Variants in ZYG11A observed in about 807,000 individuals in gnomAD.
The protein encoded by ZYG11A is protein zyg-11 homolog A.
In ZYG11A, 62 loss-of-function variants were observed where a neutral mutation model predicts 77.2. The ratio of observed to expected loss-of-function variants is 0.80; its 90% CI spans 0.65 to 0.99. The LOEUF (loss-of-function observed/expected upper bound fraction) is 0.99. Among genes scored for constraint, ZYG11A ranks in the 50% least tolerant of loss-of-function variants. ZYG11A has a pLI of 0.00. For synonymous variants in ZYG11A, 315 were observed against 324.6 expected, an observed-to-expected ratio of 0.97 and a Z score of 0.32; for missense variants, 828 against 896.8, an observed-to-expected ratio of 0.92 and a Z score of 0.98.
chr1:52,845,794 C>G (rs1436697971), intron 1 of ZYG11A, among the ~76,000 whole-genome samples: 1 of 151,968 alleles, frequency 6.6e-6, no homozygotes, highest in Non-Finnish European at 1.5e-5. Flanking sequence ...CCTCCCTCCT[C>G]AGCCTCCCTA....
At chr1:52,884,050 A>G (rs1441703366) in intron 11 of ZYG11A, among the ~76,000 whole-genome samples, 1 of 150,630 alleles carries the variant, frequency 6.6e-6, no homozygotes, top group Non-Finnish European at 1.5e-5. Context: ...ATTTTTGTAT[A>G]TATTTTTTTA....
intron 1 of ZYG11A, among the ~76,000 whole-genome samples, chr1:52,847,924 C>T (rs945154038): frequency 3.3e-5 from 5 of 151,762 alleles, no homozygotes; most frequent in South Asian, 2.1e-4. Flanking sequence ...GGCTGGAGTG[C>T]AGTGGCGCGA....
rs1646573943 is a variant in ZYG11A at position 52,893,148 on chromosome 1, C to T, written c.*191C>T. The T allele has an allele frequency of 1.8e-6, 1 of 565,550 alleles. No individual in the cohort carries two copies. The highest frequency in any genetic ancestry group is 3.0e-6 in the Non-Finnish European group (1 of 328,076). The allele number at this position is 565,550 out of a possible 1,614,324, so 35.0% of individuals were successfully genotyped here. ...AATCCCAAGTCAAGTTGGACTCATT[C>T]TGCAGCCTTTCAGCAGCAATTTTGA... On this transcript the variant is annotated 3_prime_UTR_variant, in exon 14 of 14. Transcript: ENST00000371528.
chr1:52,842,789 G>C lies in ZYG11A; in HGVS notation c.-95G>C. ...GCTCCGTGTGCCTCGCAGGCGTGGT[G>C]GGCGCGTCCTGGCAGCCGCCCGCTT... is the stretch of plus-strand genomic sequence containing the variant. On this transcript the variant is annotated 5_prime_UTR_variant, in exon 1 of 14. Coordinates refer to ENST00000371528, the MANE Select transcript of ZYG11A (RefSeq NM_001004339.3). 1 of 1,211,772 alleles carries C rather than the reference G, an allele frequency of 8.3e-7. No homozygotes were observed. The highest frequency in any genetic ancestry group is 1.4e-5 in the South Asian group (1 of 72,804). The allele number at this position is 1,211,772 out of a possible 1,614,324, so 75.1% of individuals were successfully genotyped here. A position where few individuals can be genotyped will look rare whatever the true frequency, so the allele number is the denominator to read the frequency against.
intron 8 of ZYG11A, among the ~76,000 whole-genome samples, chr1:52,869,503 T>C (rs2150007515): frequency 6.6e-6 from 1 of 151,880 alleles, no homozygotes; most frequent in South Asian, 2.1e-4. Context: ...TGCACCGCCC[T>C]TAATCCATTT....
chr1:52,889,852 C>T (rs1442564096), intron 13 of ZYG11A, among the ~76,000 whole-genome samples: 1 of 151,782 alleles, frequency 6.6e-6, no homozygotes, highest in African/African-American at 2.4e-5. Context: ...GCTGGGACTA[C>T]AGGCGCCCGC....
rs1646126295 is a variant in ZYG11A, at chr1:52,870,124, C to A, written c.1542+2347C>A. On this transcript the variant is annotated intron_variant, in intron 8 of 13. Coordinates refer to ENST00000371528, the MANE Select transcript of ZYG11A (RefSeq NM_001004339.3). ...CCCAGACGGGGCGGCGGGGCAGAGG[C>A]TCTCCCCACATCTCAGACGATGGGC... Among the ~76,000 whole-genome samples, 3 of 142,106 alleles carry A rather than the reference C, an allele frequency of 2.1e-5. No homozygotes were observed. In the South Asian group the frequency reaches 7.0e-4, roughly 33 times the overall value. 93.2% of individuals were successfully genotyped at this position (142,106 alleles called of 152,430 possible). A position where few individuals can be genotyped will look rare whatever the true frequency, so the allele number is the denominator to read the frequency against.
chr1:52,842,906 G>C lies in ZYG11A; in HGVS notation c.23G>C (p.Gly8Ala). 6.5e-7 allele frequency: 1 copy of C among 1,531,056 alleles called. No homozygotes were observed. The highest frequency in any genetic ancestry group is 8.8e-7 in the Non-Finnish European group (1 of 1,138,430). 94.8% of individuals were successfully genotyped at this position (1,531,056 alleles called of 1,614,324 possible). A position where few individuals can be genotyped will look rare whatever the true frequency, so the allele number is the denominator to read the frequency against. The stretch of plus-strand genomic sequence containing the variant: ...GCCATGGTTCATTTCTTGCACCCGG[G>C]CCACACGCCCCGGAACATCGTCCCT... MVHFLHP[G>A]HTPRNIVPPD... The change falls in exon 1 of 14, where the codon GGC (glycine) becomes GCC (alanine). Residue 8 changes from glycine to alanine, a missense_variant. Coordinates refer to ENST00000371528, the MANE Select transcript of ZYG11A (RefSeq NM_001004339.3).
chr1:52,870,484 C>T (rs368414408), intron 8 of ZYG11A, among the ~76,000 whole-genome samples: 2 of 152,214 alleles, frequency 1.3e-5, no homozygotes, highest in East Asian at 1.9e-4. Flanking sequence ...GCTGCAATCT[C>T]GGCACTTTGG....
At chr1:52,887,637 C>G (rs1318035951) in intron 13 of ZYG11A, among the ~76,000 whole-genome samples, 1 of 151,784 alleles carries the variant, frequency 6.6e-6, no homozygotes, top group African/African-American at 2.4e-5. Context: ...GATTACAGCA[C>G]TTTGGGAGGC....
intron 1 of ZYG11A, among the ~76,000 whole-genome samples, chr1:52,851,098 G>A (rs1237996792): frequency 6.6e-6 from 1 of 151,936 alleles, no homozygotes; most frequent in African/African-American, 2.4e-5. Flanking sequence ...GTGGAGGGGC[G>A]CAATCACGGC....
At chr1:52,854,682 A>G in intron 2 of ZYG11A, 52 bp downstream of exon 2, 1 of 1,408,618 alleles carries the variant, frequency 7.1e-7, no homozygotes, top group East Asian at 2.6e-5. Flanking sequence ...TACTATTTGA[A>G]AAGCACTTTT....
intron 13 of ZYG11A, among the ~76,000 whole-genome samples, chr1:52,892,539 A>AT (rs2150026384): frequency 6.6e-6 from 1 of 151,972 alleles, no homozygotes; most frequent in Non-Finnish European, 1.5e-5. Flanking sequence ...AAAAAAAAAA[A>AT]GAAAAAGATG....
At chr1:52,874,072 A>G (rs1160354414) in intron 8 of ZYG11A, among the ~76,000 whole-genome samples, 1 of 142,924 alleles carries the variant, frequency 7.0e-6, no homozygotes, top group Non-Finnish European at 1.5e-5. Flanking sequence ...CATCATTGCT[A>G]TCTTAAGAAA....
At chr1:52,848,339 CT>C (rs996824528) in intron 1 of ZYG11A, among the ~76,000 whole-genome samples, 25 of 152,094 alleles carry the variant, frequency 1.6e-4, no homozygotes, top group Admixed American at 1.2e-3. Flanking sequence ...GTGATCATAC[CT>C]TTTTTTTCTT....
chr1:52,870,047 C>T (rs573626726), intron 8 of ZYG11A, among the ~76,000 whole-genome samples: 69 of 144,320 alleles, frequency 4.8e-4, no homozygotes, highest in South Asian at 2.5e-3. Context: ...CAGGCAGAGA[C>T]GCTCCTCACC....
intron 8 of ZYG11A, among the ~76,000 whole-genome samples, 181 bp downstream of exon 8, chr1:52,867,958 CTTTT>C (rs1050261180): frequency 2.0e-5 from 2 of 98,178 alleles, no homozygotes; most frequent in African/African-American, 4.9e-5. Flanking sequence ...CTCCACATTT[CTTTT>C]TTTTTTTTTT....
At chr1:52,884,779 T>C (rs1174780258) in intron 11 of ZYG11A, among the ~76,000 whole-genome samples, 1 of 152,234 alleles carries the variant, frequency 6.6e-6, no homozygotes, top group Admixed American at 6.5e-5. Context: ...CCCCTGTTTT[T>C]ATCATGGTGT....
chr1:52,877,135 C>T (rs1169586671), intron 8 of ZYG11A, among the ~76,000 whole-genome samples: 1 of 152,126 alleles, frequency 6.6e-6, no homozygotes, highest in Non-Finnish European at 1.5e-5. Context: ...CTCCCCCCAG[C>T]CCCGTTCCTG....
Sources: allele counts gnomAD v4.1 joint callset (sites outside exome capture counted in the v4.1 genomes callset), GRCh38; gene constraint gnomAD v4.1.1; transcripts MANE v1.5; gene names NCBI Gene and HGNC (gene_info 2026-07-23, HGNC 2026-07-21).